KIAA1191: variants seen among roughly 807,000 people sequenced by gnomAD.
KIAA1191 encodes the protein KIAA1191, also known as putative monooxygenase p33MONOX.
In KIAA1191, 22 loss-of-function variants were observed where a neutral mutation model predicts 31.1. The observed-to-expected ratio is 0.71, with a 90% CI of 0.51 to 1.01. The LOEUF is 1.01. KIAA1191 is among the 50% of genes least tolerant of loss of function. KIAA1191 has a pLI of 0.00. For missense variants in KIAA1191, 319 were observed against 388.0 expected, an observed-to-expected ratio of 0.82 and a Z score of 1.49; for synonymous variants, 130 against 143.9, an observed-to-expected ratio of 0.90 and a Z score of 0.69.
Position 176,355,211 on chromosome 5 carries a change from A to G in KIAA1191, c.207+360T>C, listed in dbSNP as rs1341035490. On this transcript the variant is annotated intron_variant, in intron 4 of 8. Coordinates refer to ENST00000298569, the MANE Select transcript of KIAA1191 (RefSeq NM_020444.5). This position sits in a 1 kb window ranked among gnomAD's most constrained non-coding sequence, Gnocchi z 4.2. ...ATATGAAGAGTCTCAGGAGCAGACAAGGCCATTCTAGTTTTGAATTAAAAA... is the reference window on the plus strand; with the variant it reads ...ATATGAAGAGTCTCAGGAGCAGACAGGGCCATTCTAGTTTTGAATTAAAAA... Among the ~76,000 whole-genome samples, 1 of 151,994 alleles carries G rather than the reference A, an allele frequency of 6.6e-6. No individual in the cohort carries two copies. Among genetic ancestry groups the G allele is most frequent in the Non-Finnish European group, 1.5e-5 (1 of 68,004 alleles).
chr5:176,346,610 GA>G lies in KIAA1191; in HGVS notation c.*989del, dbSNP rs1173317904. ...AAATTAATCTCACTTTAAAGTGCAA[GA>G]AAGGCTCTGCTAGAGTAGTGTTTGT... On this transcript the variant is annotated 3_prime_UTR_variant, in exon 9 of 9. Coordinates refer to ENST00000298569, the MANE Select transcript of KIAA1191 (RefSeq NM_020444.5). The G allele has an allele frequency of 6.6e-6, 1 of 152,272 alleles. No individual in the cohort carries two copies. Among genetic ancestry groups the G allele is most frequent in the Non-Finnish European group, 1.5e-5 (1 of 68,050 alleles). 9.4% of individuals were successfully genotyped at this position (152,272 alleles called of 1,614,324 possible). A position where few individuals can be genotyped will look rare whatever the true frequency, so the allele number is the denominator to read the frequency against.
chr5:176,352,848 A>C, intron 4 of KIAA1191, 100 bp from the exon 5 acceptor site: 1 of 1,287,672 alleles, frequency 7.8e-7, no homozygotes, highest in Non-Finnish European at 1.0e-6. Context: ...AATAACATTA[A>C]TCTGGTAAGT....
At position 176,355,738 on chromosome 5, in the gene KIAA1191, T is replaced by C. The variant is rs1767459145; in HGVS notation, c.40A>G (p.Ser14Gly). 1.9e-6 allele frequency: 3 copies of C among 1,613,912 alleles called. No individual in the cohort carries two copies. In the East Asian group the frequency reaches 6.7e-5, roughly 36 times the overall value. The change falls in exon 4 of 9, where the codon AGT becomes GGT. Residue 14 changes from serine to glycine, a missense_variant. Physicochemically the swap from Ser to Gly is moderately conservative, Grantham distance 56 (BLOSUM62 0). Transcript: ENST00000298569. This position sits in a 1 kb window ranked among gnomAD's most constrained non-coding sequence, Gnocchi z 4.2. ...RQPEVPALEA[S>G]APLGKMSLPI... ...AGGGACATCTTGCCTAGAGGCGCACTAGCCTCAAGAGCTAAGAACAGAGAC... is the reference window on the plus strand; with the variant it reads ...AGGGACATCTTGCCTAGAGGCGCACCAGCCTCAAGAGCTAAGAACAGAGAC...
At position 176,359,580 on chromosome 5, in the gene KIAA1191, C is replaced by T; in HGVS notation, c.-59-13G>A. The T allele has an allele frequency of 8.2e-7, 1 of 1,213,364 alleles. No individual in the cohort carries two copies. Among genetic ancestry groups the T allele is most frequent in the East Asian group, 2.3e-5 (1 of 43,000 alleles). The allele number at this position is 1,213,364 out of a possible 1,614,324, so 75.2% of individuals were successfully genotyped here. On this transcript the variant is annotated splice_polypyrimidine_tract_variant and intron_variant, in intron 2 of 8. Coordinates refer to ENST00000298569, the MANE Select transcript of KIAA1191 (RefSeq NM_020444.5). Reference sequence around the variant, plus strand: ...GAGTCCCTGCCACCTAATAAAATAACAAAGGGCATTTTCTTATGGTGAGCA... The same window carrying T: ...GAGTCCCTGCCACCTAATAAAATAATAAAGGGCATTTTCTTATGGTGAGCA...
At chr5:176,352,896 C>G (rs1767157072) in intron 4 of KIAA1191, 148 bp from the exon 5 acceptor site, 1 of 772,666 alleles carries the variant, frequency 1.3e-6, no homozygotes, top group Admixed American at 3.1e-5. Context: ...TCATCTCCAC[C>G]CAGCTAGATA....
chr5:176,357,729 T>C (rs1767630863), intron 3 of KIAA1191, among the ~76,000 whole-genome samples: 1 of 152,050 alleles, frequency 6.6e-6, no homozygotes, highest in Admixed American at 6.5e-5. Context: ...ACAGCAACAA[T>C]GAAAGACAAA....
intron 7 of KIAA1191, 27 bp downstream of exon 7, chr5:176,348,223 C>T (rs1250660585): frequency 5.6e-6 from 9 of 1,608,716 alleles, no homozygotes; most frequent in Non-Finnish European, 7.7e-6. Context: ...CACGCAGGAA[C>T]TCGGAAGGGT....
In KIAA1191 at chr5:176,355,051, A is replaced by C. The variant is rs1018772122; in HGVS notation, c.207+520T>G. 6.6e-6 allele frequency among the ~76,000 whole-genome samples: 1 copy of C among 152,186 alleles called. No individual in the cohort carries two copies. The highest frequency in any genetic ancestry group is 1.5e-5 in the Non-Finnish European group (1 of 68,034). On this transcript the variant is annotated intron_variant, in intron 4 of 8. Transcript: ENST00000298569. The surrounding 1 kb of genome is among the most constrained non-coding windows in gnomAD (Gnocchi z 4.2). ...TGAGCCAAAAACTGACAGGCAGAAA[A>C]TACGCTGCTAAGTGCAAGAATTTTA...
Position 176,348,227 on chromosome 5 carries a change from G to C in KIAA1191, c.566+23C>G, listed in dbSNP as rs767248085. ...CTTTCCTGAAGCACGCAGGAACTCG[G>C]AAGGGTCACAGGAAGGGCTCACCTG... On this transcript the variant is annotated intron_variant, in intron 7 of 8. Coordinates refer to ENST00000298569, the MANE Select transcript of KIAA1191 (RefSeq NM_020444.5). The C allele has an allele frequency of 2.5e-6, 4 of 1,610,164 alleles. No homozygotes were observed. The Admixed American group carries it at 6.7e-5, about 27-fold the overall frequency.
intron 3 of KIAA1191, among the ~76,000 whole-genome samples, chr5:176,357,472 T>C (rs1767610663): frequency 6.6e-6 from 1 of 151,948 alleles, no homozygotes; most frequent in South Asian, 2.1e-4. Flanking sequence ...TACTAAGTCT[T>C]CCTCCTTGCT....
Position 176,346,401 on chromosome 5 carries a change from A to G in KIAA1191, c.*1199T>C, listed in dbSNP as rs1316858263. On this transcript the variant is annotated 3_prime_UTR_variant, in exon 9 of 9. Transcript: ENST00000298569. ...AGTGACCTCCCCGCACAGGCGTTCC[A>G]GGCCCTGACCTGAACAAGGAAATCA... is the stretch of plus-strand genomic sequence containing the variant. 1 of 152,278 alleles carries G rather than the reference A, an allele frequency of 6.6e-6. No homozygotes were observed. The highest frequency in any genetic ancestry group is 1.5e-5 in the Non-Finnish European group (1 of 68,048). The allele number at this position is 152,278 out of a possible 1,614,324, so 9.4% of individuals were successfully genotyped here. A position where few individuals can be genotyped will look rare whatever the true frequency, so the allele number is the denominator to read the frequency against.
intron 5 of KIAA1191, among the ~76,000 whole-genome samples, chr5:176,352,180 C>A (rs200584482): frequency 0.012 from 1,611 of 139,900 alleles, 21 homozygotes; most frequent in African/African-American, 0.035. Context: ...AAAAAAAAAA[C>A]AAAAACTGGG....
chr5:176,356,237 T>C, intron 3 of KIAA1191: 1 of 174,714 alleles, frequency 5.7e-6, no homozygotes, highest in Non-Finnish European at 1.2e-5. Context: ...ATTTCAAAGC[T>C]GTGTCCTTTA....
intron 6 of KIAA1191, chr5:176,348,887 C>A: frequency 6.4e-6 from 1 of 155,480 alleles, no homozygotes; most frequent in Non-Finnish European, 1.4e-5. Flanking sequence ...TCCCTCAGCA[C>A]CGTGAGCATT....
rs750031783 is a variant in KIAA1191, at chr5:176,359,470, A to G, written c.28+11T>C. The G allele has an allele frequency of 1.9e-6, 3 of 1,613,528 alleles. No homozygotes were observed. Among genetic ancestry groups the G allele is most frequent in the Non-Finnish European group, 2.5e-6 (3 of 1,179,568 alleles). ...GCAAAACATGATTTTACCAAAAAGAATTAAGTTTACCAGGCACTTCTGGTT... is the reference window on the plus strand; with the variant it reads ...GCAAAACATGATTTTACCAAAAAGAGTTAAGTTTACCAGGCACTTCTGGTT... On this transcript the variant is annotated intron_variant, in intron 3 of 8. Transcript: ENST00000298569.
intron 6 of KIAA1191, among the ~76,000 whole-genome samples, chr5:176,350,029 T>A (rs1335730896): frequency 2.0e-5 from 3 of 152,188 alleles, no homozygotes; most frequent in Non-Finnish European, 4.4e-5. Flanking sequence ...TATGACTGGC[T>A]GAATAGATGG....
In KIAA1191 at chr5:176,347,359, G is replaced by A. The variant is rs1166241600; in HGVS notation, c.*241C>T. 1.6e-5 allele frequency: 4 copies of A among 242,918 alleles called. No homozygotes were observed. The highest frequency in any genetic ancestry group is 2.2e-5 in the African/African-American group (1 of 44,590). The allele number at this position is 242,918 out of a possible 1,614,324, so 15.0% of individuals were successfully genotyped here. On this transcript the variant is annotated 3_prime_UTR_variant, in exon 9 of 9. Coordinates refer to ENST00000298569, the MANE Select transcript of KIAA1191 (RefSeq NM_020444.5). Reference sequence around the variant, plus strand: ...TGGGACTACAGGCGCCCACCACCACGCCCAGCTAATTTTTGTATTTTTAGT... The same window carrying A: ...TGGGACTACAGGCGCCCACCACCACACCCAGCTAATTTTTGTATTTTTAGT...
At chr5:176,348,915 AG>A (rs1156472793) in intron 6 of KIAA1191, 1 of 154,208 alleles carries the variant, frequency 6.5e-6, no homozygotes, top group African/African-American at 2.4e-5. Flanking sequence ...CTCGCAGTCT[AG>A]TGGGGAGAGA....
chr5:176,355,538 C>A lies in KIAA1191; in HGVS notation c.207+33G>T. ...GAGCAGAGGAAGGACAAAGGGGTTG[C>A]GTATGCCAGAAATGGCCAGCAGGGT... On this transcript the variant is annotated intron_variant, in intron 4 of 8. Transcript: ENST00000298569. The surrounding 1 kb of genome is among the most constrained non-coding windows in gnomAD (Gnocchi z 4.2). 1 of 1,592,138 alleles carries A rather than the reference C, an allele frequency of 6.3e-7. No homozygotes were observed. The highest frequency in any genetic ancestry group is 8.6e-7 in the Non-Finnish European group (1 of 1,165,690).
Sources: gnomAD v4.1 joint callset for allele counts (sites outside exome capture counted in the v4.1 genomes callset) on GRCh38, gnomAD v4.1.1 for gene constraint, Gnocchi (gnomAD v3.1) non-coding constraint, MANE v1.5 for transcripts, NCBI Gene and HGNC (gene_info 2026-07-23, HGNC 2026-07-21) for gene names.